WDR45: variants seen among roughly 807,000 people sequenced by gnomAD.
The protein encoded by WDR45 is WD repeat domain 45.
In WDR45, 2 loss-of-function variants were observed where a neutral mutation model predicts 27.3. That is an observed-to-expected ratio of 0.07 (90% confidence interval 0.03 to 0.23). The LOEUF (loss-of-function observed/expected upper bound fraction) is 0.23. Among genes scored for constraint, WDR45 ranks in the 10% least tolerant of loss-of-function variants. The pLI is 1.00. For missense variants in WDR45, 175 were observed against 311.9 expected, an observed-to-expected ratio of 0.56 and a Z score of 3.31; for synonymous variants, 99 against 119.2, an observed-to-expected ratio of 0.83 and a Z score of 1.11.
chrX:49,075,783 G>A, intron 7 of WDR45, 30 bp from the exon 8 acceptor site: 3 of 1,199,021 alleles, frequency 2.5e-6, no homozygotes, highest in Non-Finnish European at 3.4e-6. Context: ...TCTGAGGTTG[G>A]GGTGGTATGG....
intron 2 of WDR45, among the ~76,000 whole-genome samples, chrX:49,095,351 A>G (rs1296109860): frequency 1.8e-5 from 2 of 109,400 alleles, no homozygotes; most frequent in African/African-American, 6.6e-5. Context: ...ATCTCTACAG[A>G]AAATACAGGC....
chrX:49,097,140 G>A (rs2065128338), intron 2 of WDR45, among the ~76,000 whole-genome samples: 2 of 111,301 alleles, frequency 1.8e-5, no homozygotes, highest in Non-Finnish European at 3.8e-5. Context: ...TTTTCAAATA[G>A]ACCCATTCTT....
In WDR45 at chrX:49,088,326, G is replaced by C. The variant is rs2065093230; in HGVS notation, c.-17-10214C>G. 2.7e-5 allele frequency among the ~76,000 whole-genome samples: 3 copies of C among 111,667 alleles called. No homozygotes were observed. In the South Asian group the frequency reaches 1.1e-3, roughly 41 times the overall value. ...GGAGGCTGAGGCAGGAGAATCGCTT[G>C]AATCCTGGAGATGGAGGTTGCAGTG... On this transcript the variant is annotated intron_variant, in intron 2 of 11. Transcript: ENST00000356463.
At chrX:49,096,973 C>T (rs895686992) in intron 2 of WDR45, among the ~76,000 whole-genome samples, 2 of 111,432 alleles carry the variant, frequency 1.8e-5, no homozygotes, top group African/African-American at 6.5e-5. Context: ...CTCTTGACCT[C>T]GTGATCCGCC....
rs41310595 is a variant in WDR45 at position 49,076,732 on chromosome X, G to A, written c.254C>T (p.Ala85Val). The part of the protein sequence containing the change: ...SEISVLIWDD[A>V]REGKDSKEKL... ...CTCCTTGGAGTCCTTGCCCTCCCGG[G>A]CATCGTCCCAGATCAGCACTGCTGG... is the stretch of plus-strand genomic sequence containing the variant. Residue 85 changes from alanine to valine, a missense_variant, in exon 5 of 11, where the codon GCC becomes GTC. Physicochemically the swap from Ala to Val is moderately conservative, Grantham distance 64. Around this residue, in one of 3 missense-constraint regions of WDR45, gnomAD observed 102 missense variants for 165.4 expected, o/e 0.62. Coordinates refer to ENST00000376372, the MANE Select transcript of WDR45 (RefSeq NM_001029896.2). The A allele has an allele frequency of 1.6e-5, 19 of 1,204,601 alleles. No individual in the cohort carries two copies. The highest frequency in any genetic ancestry group is 2.0e-5 in the Non-Finnish European group (18 of 892,132).
chrX:49,080,852 A>T (rs782237930), upstream of WDR45, among the ~76,000 whole-genome samples: 27 of 90,964 alleles, frequency 3.0e-4, no homozygotes, highest in East Asian at 8.9e-4. Flanking sequence ...TAAAGCTTTT[A>T]AAAAAAGGCC....
rs2065026898 is a variant in WDR45 at position 49,074,861 on chromosome X, T to C, written c.1025A>G (p.Asn342Ser). 8.3e-7 allele frequency: 1 copy of C among 1,210,148 alleles called. No individual in the cohort carries two copies. Among genetic ancestry groups the C allele is most frequent in the Admixed American group, 2.2e-5 (1 of 45,865 alleles). ...CACGTCGAAAGCCTCTCTGTTGCAG[T>C]TTCCATCAGGAGTGAAGACATATTT... ...FHKYVFTPDGNCNREAFDVYL... is the reference protein window; with the variant it reads ...FHKYVFTPDGSCNREAFDVYL... Residue 342 changes from asparagine to serine, a missense_variant, in exon 11 of 11, where the codon AAC becomes AGC. Around this residue, in one of 3 missense-constraint regions of WDR45, gnomAD observed 71 missense variants for 123.0 expected, o/e 0.58. Coordinates refer to ENST00000376372, the MANE Select transcript of WDR45 (RefSeq NM_001029896.2).
At position 49,075,289 on chromosome X, in the gene WDR45, C is replaced by T; in HGVS notation, c.828-8G>A. 8.3e-7 allele frequency: 1 copy of T among 1,210,714 alleles called. No homozygotes were observed. ...TTGCCCACGCGAGCCAGCCTGCAGG[C>T]AGCACTGGCTAAGCCCAGGTATGGT... is the stretch of plus-strand genomic sequence containing the variant. On this transcript the variant is annotated splice_polypyrimidine_tract_variant and splice_region_variant and intron_variant, in intron 9 of 10. Transcript: ENST00000376372.
chrX:49,086,561 A>C (rs1047834284), intron 2 of WDR45, among the ~76,000 whole-genome samples: 2 of 110,668 alleles, frequency 1.8e-5, no homozygotes, highest in Admixed American at 9.6e-5. Flanking sequence ...CATACTTTAC[A>C]TAGCTCAGAC....
At chrX:49,099,608 T>C (rs1195451368) in intron 2 of WDR45, among the ~76,000 whole-genome samples, 5 of 108,867 alleles carry the variant, frequency 4.6e-5, no homozygotes, top group African/African-American at 1.7e-4. Context: ...GGTGAAACCC[T>C]GTCTCTACTA....
chrX:49,083,316 G>GTTTTTT (rs781995765), upstream of WDR45, among the ~76,000 whole-genome samples: 1 of 72,040 alleles, frequency 1.4e-5, no homozygotes. Context: ...CCGGCCTCTC[G>GTTTTTT]TTTTTTTTTT....
intron 2 of WDR45, among the ~76,000 whole-genome samples, chrX:49,095,682 G>A (rs370019238): frequency 1.9e-5 from 2 of 103,747 alleles, no homozygotes; most frequent in African/African-American, 3.5e-5. Context: ...GGATGGTCTC[G>A]ATCTCCTGAC....
upstream of WDR45, chrX:49,079,940 C>G (rs1477953897): frequency 8.8e-6 from 1 of 113,071 alleles, no homozygotes; most frequent in Non-Finnish European, 1.9e-5. Context: ...ATGACTCACC[C>G]CAGCTGGAAA....
At chrX:49,097,281 G>A (rs1269513305) in intron 2 of WDR45, among the ~76,000 whole-genome samples, 1 of 109,297 alleles carries the variant, frequency 9.1e-6, no homozygotes, top group African/African-American at 3.3e-5. Flanking sequence ...TATTTGAGAT[G>A]GAGTTTCACT....
chrX:49,098,540 G>A lies in WDR45; in HGVS notation c.-18+1665C>T, dbSNP rs781789658. 1.2e-4 allele frequency among the ~76,000 whole-genome samples: 13 copies of A among 110,108 alleles called. No individual in the cohort carries two copies. In the South Asian group the frequency reaches 5.1e-3, roughly 43 times the overall value. On this transcript the variant is annotated intron_variant, in intron 2 of 11. Coordinates refer to the WDR45 transcript ENST00000356463. ...AAAGGTAATAAAGGCTGGGTGCAGT[G>A]GCTCATGCCTGTAATTCCAGCACTT...
chrX:49,090,686 C>T (rs1351593389), intron 2 of WDR45, among the ~76,000 whole-genome samples: 2 of 110,389 alleles, frequency 1.8e-5, no homozygotes, highest in Non-Finnish European at 3.8e-5. Flanking sequence ...TACAGGCACC[C>T]GCCACCATGC....
At chrX:49,086,054 A>G (rs2065085113) in intron 2 of WDR45, among the ~76,000 whole-genome samples, 1 of 111,394 alleles carries the variant, frequency 9.0e-6, no homozygotes, top group Non-Finnish European at 1.9e-5. Flanking sequence ...CCCAAAACAC[A>G]AATATCTAAG....
chrX:49,101,033 T>C (rs1312164377), intron 1 of WDR45: 6 of 111,875 alleles, frequency 5.4e-5, no homozygotes, highest in African/African-American at 1.9e-4. Flanking sequence ...CACGGCCCGG[T>C]GTGTGACCTC....
chrX:49,099,804 C>CA lies in WDR45; in HGVS notation c.-18+400dup, dbSNP rs1417702831. Among the ~76,000 whole-genome samples the CA allele has an allele frequency of 6.2e-3, 624 of 101,301 alleles. 22 individuals carry two copies. Among genetic ancestry groups the CA allele is most frequent in the Non-Finnish European group, 9.9e-3 (496 of 50,229 alleles). The allele number at this position is 101,301 out of a possible 115,157, so 88.0% of individuals were successfully genotyped here. A position where few individuals can be genotyped will look rare whatever the true frequency, so the allele number is the denominator to read the frequency against. On this transcript the variant is annotated intron_variant, in intron 2 of 11. Coordinates refer to the WDR45 transcript ENST00000356463. ...TCAAAAAAAAAAAAACAAAAAAAAA[C>CA]AAAAAAAAACACACAGTGTTTCTTG...
Sources: allele counts gnomAD v4.1 joint callset (sites outside exome capture counted in the v4.1 genomes callset), GRCh38; gene constraint gnomAD v4.1.1; regional missense constraint gnomAD v4.1.1; transcripts MANE v1.5; gene names NCBI Gene and HGNC (gene_info 2026-07-23, HGNC 2026-07-21).